Variants in PHTF2 observed in about 807,000 individuals in gnomAD.
PHTF2 encodes the protein putative homeodomain transcription factor 2, also known as protein PHTF2.
Under a neutral mutation model 101.2 loss-of-function variants are expected in PHTF2, and 60 were observed. The observed-to-expected ratio is 0.59, with a 90% CI of 0.48 to 0.73. PHTF2 has a LOEUF of 0.73. Among genes scored for constraint, PHTF2 ranks in the 30% least tolerant of loss-of-function variants. The probability of loss-of-function intolerance (pLI) is 0.00; values close to 1 mark genes in which losing one functional copy is unlikely to be tolerated. For missense variants in PHTF2, 747 were observed against 908.7 expected (o/e 0.82, Z 2.29); for synonymous variants, 311 against 307.3 (o/e 1.01, Z -0.13).
intron 3 of PHTF2, among the ~76,000 whole-genome samples, chr7:77,867,832 T>C (rs1798191344): frequency 6.6e-6 from 1 of 152,232 alleles, no homozygotes; most frequent in Admixed American, 6.5e-5. Context: ...TACAGCTTGA[T>C]GCTGTAAAAC....
intron 2 of PHTF2, among the ~76,000 whole-genome samples, chr7:77,850,399 A>G (rs1796658625): frequency 1.4e-5 from 2 of 143,268 alleles, no homozygotes; most frequent in Non-Finnish European, 1.5e-5. Context: ...ACGATGGCTC[A>G]CACCCTAAGG....
Position 77,945,167 on chromosome 7 carries a change from T to C in PHTF2, c.1959+2381T>C, listed in dbSNP as rs1173899274. On this transcript the variant is annotated intron_variant, in intron 16 of 19. Transcript: ENST00000416283. ...GCAGCCTGGCCAATATGGTGAAACC[T>C]CTCTCTACTGAAAATACAAAATTAA... Among the ~76,000 whole-genome samples the C allele has an allele frequency of 2.6e-5, 4 of 152,062 alleles. 1 individual carries two copies. Among genetic ancestry groups the C allele is most frequent in the African/African-American group, 9.7e-5 (4 of 41,406 alleles).
chr7:77,917,401 A>G (rs1218394684), intron 9 of PHTF2, among the ~76,000 whole-genome samples: 1 of 152,334 alleles, frequency 6.6e-6, no homozygotes, highest in East Asian at 1.9e-4. Flanking sequence ...TGTTAACCCC[A>G]GTCCTTTTCA....
At chr7:77,848,711 G>C (rs151127537) in intron 2 of PHTF2, among the ~76,000 whole-genome samples, 3 of 152,096 alleles carry the variant, frequency 2.0e-5, no homozygotes, top group Non-Finnish European at 4.4e-5. Context: ...TTAACTTGGT[G>C]TAATTGCATT....
chr7:77,849,334 G>A (rs1189547999), intron 2 of PHTF2, among the ~76,000 whole-genome samples: 2 of 151,624 alleles, frequency 1.3e-5, no homozygotes, highest in African/African-American at 4.8e-5. Context: ...GTAGAGACGG[G>A]GTTTCATCAG....
At chr7:77,822,997 C>T (rs531386037) in intron 1 of PHTF2, among the ~76,000 whole-genome samples, 27 of 151,168 alleles carry the variant, frequency 1.8e-4, no homozygotes, top group Non-Finnish European at 3.2e-4. Context: ...CTCCGCCTCC[C>T]GGGTTCACGC....
chr7:77,823,877 G>A (rs1471952367), intron 1 of PHTF2, among the ~76,000 whole-genome samples: 2 of 152,186 alleles, frequency 1.3e-5, no homozygotes, highest in Admixed American at 6.5e-5. Context: ...TGAATACAGT[G>A]TTGATTAAAC....
At chr7:77,909,169 C>CA in intron 8 of PHTF2, 2 of 317,406 alleles carry the variant, frequency 6.3e-6, no homozygotes, top group East Asian at 5.2e-5. Context: ...GTTTTTGTTT[C>CA]TTTTTTTTTT....
At chr7:77,846,236 G>C (rs1445191623) in intron 2 of PHTF2, among the ~76,000 whole-genome samples, 1 of 152,102 alleles carries the variant, frequency 6.6e-6, no homozygotes, top group South Asian at 2.1e-4. Context: ...AGTCTCAGAG[G>C]GGGTGAATCC....
intron 2 of PHTF2, among the ~76,000 whole-genome samples, chr7:77,849,563 T>C (rs1389536225): frequency 1.3e-5 from 2 of 152,216 alleles, no homozygotes; most frequent in Admixed American, 6.5e-5. Context: ...TCCAAATAAA[T>C]TAAATTCTAG....
chr7:77,936,283 C>T (rs1584764164), intron 12 of PHTF2, among the ~76,000 whole-genome samples: 2 of 152,154 alleles, frequency 1.3e-5, no homozygotes, highest in Middle Eastern at 6.8e-3. Flanking sequence ...AATAAATGTA[C>T]CTAGAGTAGA....
chr7:77,923,786 A>C (rs1229150981), intron 11 of PHTF2: 33 of 985,100 alleles, frequency 3.3e-5, no homozygotes, highest in Non-Finnish European at 3.9e-5. Flanking sequence ...CCCCTCTCCC[A>C]GAATAAATTA....
chr7:77,823,806 C>T (rs930866736), intron 1 of PHTF2, among the ~76,000 whole-genome samples: 1 of 152,026 alleles, frequency 6.6e-6, no homozygotes, highest in East Asian at 1.9e-4. Context: ...AAAGTAGAGA[C>T]GATAGATGCT....
At chr7:77,951,762 ATAATT>A (rs760380278) in intron 18 of PHTF2, 50 bp downstream of exon 17, 23 of 779,562 alleles carry the variant, frequency 3.0e-5, no homozygotes, top group Admixed American at 2.0e-4. Flanking sequence ...CTGTTCTGAC[ATAATT>A]TTATTTTTTT....
chr7:77,935,214 CTTTTTTT>C (rs1158677069), intron 12 of PHTF2, among the ~76,000 whole-genome samples: 14 of 59,278 alleles, frequency 2.4e-4, no homozygotes, highest in Admixed American at 8.5e-4. Flanking sequence ...GTAATTTACC[CTTTTTTT>C]TTTTTTTTTT....
At chr7:77,858,671 T>C (rs1797372852) in intron 3 of PHTF2, among the ~76,000 whole-genome samples, 2 of 150,802 alleles carry the variant, frequency 1.3e-5, no homozygotes, top group South Asian at 2.1e-4. Flanking sequence ...TTTTTAAAGA[T>C]AGGGTTAGTA....
rs56131046 is a variant in PHTF2 at position 77,821,126 on chromosome 7, G to GT, written c.-35-19083dup. Among the ~76,000 whole-genome samples the GT allele has an allele frequency of 9.3e-4, 139 of 149,614 alleles. 1 individual carries two copies. The highest frequency in any genetic ancestry group is 1.8e-3 in the Admixed American group (27 of 15,062). On this transcript the variant is annotated intron_variant, in intron 1 of 19. Coordinates refer to ENST00000416283, the Ensembl canonical transcript of PHTF2. The stretch of plus-strand genomic sequence containing the variant: ...CTGGATATAATATTCTTGGATGGCA[G>GT]TTTTTTTTTTTTCTTTTCAATATTT...
intron 12 of PHTF2, among the ~76,000 whole-genome samples, chr7:77,935,076 C>T (rs1316610085): frequency 1.3e-5 from 2 of 151,646 alleles, no homozygotes; most frequent in Non-Finnish European, 2.9e-5. Context: ...TGCTGTTCTC[C>T]ACACTGCAGA....
chr7:77,884,669 G>C (rs963381925), intron 3 of PHTF2, among the ~76,000 whole-genome samples: 10 of 152,178 alleles, frequency 6.6e-5, no homozygotes, highest in African/African-American at 2.4e-4. Flanking sequence ...GGCCGAGGCA[G>C]GTGGATCACT....
Sources: gnomAD v4.1 joint callset for allele counts (sites outside exome capture counted in the v4.1 genomes callset) on GRCh38, gnomAD v4.1.1 for gene constraint, MANE v1.5 for transcripts, NCBI Gene and HGNC (gene_info 2026-07-23, HGNC 2026-07-21) for gene names.